Variants in SEPTIN7 observed in about 807,000 individuals in gnomAD.
The protein encoded by SEPTIN7 is septin-7.
SEPTIN7 carries 10 observed loss-of-function variants against 63.3 expected under a neutral mutation model. That is an observed-to-expected ratio of 0.16 (90% CI 0.10 to 0.27). The LOEUF (loss-of-function observed/expected upper bound fraction) is 0.27, where lower values mean the gene tolerates loss of function less well. Ranked by LOEUF, SEPTIN7 falls within the 10% of genes least tolerant of loss-of-function variation. The probability of loss-of-function intolerance (pLI) is 1.00; values close to 1 mark genes in which losing one functional copy is unlikely to be tolerated. For synonymous variants in SEPTIN7, 131 were observed against 165.3 expected, an observed-to-expected ratio of 0.79 and a Z score of 1.59; for missense variants, 310 against 521.0, an observed-to-expected ratio of 0.59 and a Z score of 3.94.
At position 35,872,775 on chromosome 7, in the gene SEPTIN7, G is replaced by C. The variant is rs368683011; in HGVS notation, c.377+9G>C. On this transcript the variant is annotated intron_variant, in intron 5 of 13. Coordinates refer to ENST00000350320, the MANE Select transcript of SEPTIN7 (RefSeq NM_001788.6). Reference sequence around the variant, plus strand: ...GTGGATAATAGTAATTGGTAAGAAGGGTTTGTCCTCACAACTTTGCAGTGC... The same window carrying C: ...GTGGATAATAGTAATTGGTAAGAAGCGTTTGTCCTCACAACTTTGCAGTGC... 1.4e-5 allele frequency: 23 copies of C among 1,591,170 alleles called. No homozygotes were observed. In the African/African-American group the frequency reaches 3.0e-4, roughly 20 times the overall value.
intron 1 of SEPTIN7, among the ~76,000 whole-genome samples, chr7:35,813,078 A>G (rs1788831519): frequency 6.6e-6 from 1 of 152,192 alleles, no homozygotes; most frequent in African/African-American, 2.4e-5. Context: ...CATTTATTGT[A>G]CTTACTGTAT....
At chr7:35,899,207 G>A (rs1157186242) in intron 12 of SEPTIN7, 2 of 152,182 alleles carry the variant, frequency 1.3e-5, no homozygotes, top group African/African-American at 2.4e-5. Flanking sequence ...GTTTCAGTAT[G>A]AAGTTTTCTT....
At chr7:35,910,398 C>T (rs542755865), downstream of SEPTIN7, among the ~76,000 whole-genome samples, 32 of 152,288 alleles carry the variant, frequency 2.1e-4, no homozygotes, top group African/African-American at 7.5e-4. Context: ...TTGAAATTAG[C>T]TAATTGGATT....
chr7:35,849,625 C>T (rs1784860649), intron 3 of SEPTIN7, among the ~76,000 whole-genome samples: 2 of 152,168 alleles, frequency 1.3e-5, no homozygotes, highest in South Asian at 2.1e-4. Flanking sequence ...CAAAGAATAG[C>T]GCCCTCCCTT....
rs115117598 is a variant in SEPTIN7 at position 35,805,230 on chromosome 7, A to C, written c.61+3960A>C. Reference sequence around the variant, plus strand: ...GAAAAGATGATGTGCTGTACTATGAACTTGTGACTGCTATGACATCACAGG... The same window carrying C: ...GAAAAGATGATGTGCTGTACTATGACCTTGTGACTGCTATGACATCACAGG... On this transcript the variant is annotated intron_variant, in intron 1 of 13. Transcript: ENST00000350320. Among the ~76,000 whole-genome samples, 407 of 152,250 alleles carry C rather than the reference A, an allele frequency of 2.7e-3. 2 individuals carry two copies. Among genetic ancestry groups the C allele is most frequent in the African/African-American group, 9.4e-3 (390 of 41,528 alleles).
At chr7:35,852,118 A>G (rs895284863) in intron 3 of SEPTIN7, among the ~76,000 whole-genome samples, 2 of 152,128 alleles carry the variant, frequency 1.3e-5, no homozygotes, top group African/African-American at 2.4e-5. Context: ...CATTGCAACT[A>G]CCTATTACTG....
chr7:35,878,786 T>G (rs1206957059), intron 6 of SEPTIN7, among the ~76,000 whole-genome samples: 1 of 152,054 alleles, frequency 6.6e-6, no homozygotes, highest in Non-Finnish European at 1.5e-5. Context: ...AGAGGGAAAA[T>G]GGGGGTTCAG....
intron 3 of SEPTIN7, among the ~76,000 whole-genome samples, chr7:35,862,490 G>T (rs1054382678): frequency 6.6e-6 from 1 of 151,974 alleles, no homozygotes. Context: ...TAATCTTTCT[G>T]CTTTCAAGGT....
intron 11 of SEPTIN7, among the ~76,000 whole-genome samples, chr7:35,895,382 TATGC>T (rs1787897889): frequency 6.6e-6 from 1 of 152,208 alleles, no homozygotes; most frequent in Admixed American, 6.5e-5. Context: ...TCATTTTAAA[TATGC>T]ATGAACATTT....
chr7:35,838,362 C>T (rs866926648), intron 3 of SEPTIN7, among the ~76,000 whole-genome samples: 1 of 17,338 alleles, frequency 5.8e-5, no homozygotes, highest in Non-Finnish European at 9.4e-5. Flanking sequence ...CCCTCCCTCC[C>T]TCCTCCCTCC....
rs912389936 is a variant in SEPTIN7, at chr7:35,801,339, C to T, written c.61+69C>T. Reference sequence around the variant, plus strand: ...CGAATGCCGGGAAGCTCTGCGGCCGCTGGACCGAGCTAGGGAACGCCCTGA... The same window carrying T: ...CGAATGCCGGGAAGCTCTGCGGCCGTTGGACCGAGCTAGGGAACGCCCTGA... On this transcript the variant is annotated intron_variant, in intron 1 of 13. Coordinates refer to ENST00000350320, the MANE Select transcript of SEPTIN7 (RefSeq NM_001788.6). 124 of 1,505,670 alleles carry T rather than the reference C, an allele frequency of 8.2e-5. No individual in the cohort carries two copies. The Admixed American group carries it at 2.6e-3, about 32-fold the overall frequency. The allele number at this position is 1,505,670 out of a possible 1,614,324, so 93.3% of individuals were successfully genotyped here. A position where few individuals can be genotyped will look rare whatever the true frequency, so the allele number is the denominator to read the frequency against.
intron 10 of SEPTIN7, 165 bp from the exon 11 acceptor site, chr7:35,890,503 G>A (rs1662577474): frequency 2.2e-6 from 1 of 459,990 alleles, no homozygotes. Flanking sequence ...TACTTTGAGT[G>A]TAAATGAAAA....
chr7:35,888,530 T>C (rs951349709), intron 10 of SEPTIN7, among the ~76,000 whole-genome samples: 5 of 152,062 alleles, frequency 3.3e-5, no homozygotes, highest in Admixed American at 1.3e-4. Flanking sequence ...ATATAATAAA[T>C]AAAATCAGGC....
In SEPTIN7 at chr7:35,882,519, A is replaced by G. The variant is rs543252898; in HGVS notation, c.666A>G (p.Ile222Met). The G allele has an allele frequency of 2.7e-6, 4 of 1,486,916 alleles. No individual in the cohort carries two copies. The highest frequency in any genetic ancestry group is 2.2e-5 in the Admixed American group (1 of 44,572). 92.1% of individuals were successfully genotyped at this position (1,486,916 alleles called of 1,614,324 possible). The change falls in exon 8 of 14, where the codon ATA becomes ATG. Residue 222 changes from isoleucine to methionine, a missense_variant. Physicochemically the swap from Ile to Met is conservative, Grantham distance 10. Coordinates refer to ENST00000350320, the MANE Select transcript of SEPTIN7 (RefSeq NM_001788.6). ...AAATCCAAGAACATAAAATTAAAATATACGAATTTCCAGAAACAGATGATG... is the reference window on the plus strand; with the variant it reads ...AAATCCAAGAACATAAAATTAAAATGTACGAATTTCCAGAAACAGATGATG... ...MKEIQEHKIKIYEFPETDDEE... is the reference protein window; with the variant it reads ...MKEIQEHKIKMYEFPETDDEE...
At chr7:35,819,409 T>C (rs3905502) in intron 1 of SEPTIN7, among the ~76,000 whole-genome samples, 1 of 151,902 alleles carries the variant, frequency 6.6e-6, no homozygotes, top group Non-Finnish European at 1.5e-5. Context: ...CTTGAGAAGA[T>C]TGTGTTTTGC....
chr7:35,913,395 TTCTTTCTTTC>T, the SEPTIN7 span, among the ~76,000 whole-genome samples: 3 of 151,706 alleles, frequency 2.0e-5, no homozygotes, highest in African/African-American at 7.3e-5. Context: ...TTATCTTTCT[TTCTTTCTTTC>T]TCTTTCTTTC....
intron 3 of SEPTIN7, among the ~76,000 whole-genome samples, chr7:35,859,437 A>T (rs969127506): frequency 6.6e-5 from 10 of 152,216 alleles, no homozygotes; most frequent in Non-Finnish European, 1.2e-4. Flanking sequence ...AATGTTTTAC[A>T]TGTCCTTGAG....
At chr7:35,857,080 G>T (rs1447350965) in intron 3 of SEPTIN7, among the ~76,000 whole-genome samples, 1 of 152,118 alleles carries the variant, frequency 6.6e-6, no homozygotes, top group Non-Finnish European at 1.5e-5. Flanking sequence ...TTGATTATGA[G>T]ACATTTGTTT....
intron 1 of SEPTIN7, among the ~76,000 whole-genome samples, chr7:35,817,671 T>G (rs1253944079): frequency 6.6e-6 from 1 of 152,110 alleles, no homozygotes; most frequent in East Asian, 1.9e-4. Flanking sequence ...ACTCCATTAA[T>G]GCAAAGTATC....
Sources: gnomAD v4.1 joint callset for allele counts (sites outside exome capture counted in the v4.1 genomes callset) on GRCh38, gnomAD v4.1.1 for gene constraint, MANE v1.5 for transcripts, NCBI Gene and HGNC (gene_info 2026-07-23, HGNC 2026-07-21) for gene names.